RUNX1T1: variants seen among roughly 807,000 people sequenced by gnomAD.
RUNX1T1 encodes the protein protein CBFA2T1.
A neutral mutation model predicts 62.8 loss-of-function variants in RUNX1T1; 4 were observed. The ratio of observed to expected loss-of-function variants is 0.06; its 90% CI spans 0.03 to 0.15. RUNX1T1 has a LOEUF of 0.15. RUNX1T1 is among the 10% of genes least tolerant of loss of function. The pLI is 1.00. For missense variants in RUNX1T1, 508 were observed against 754.3 expected (o/e 0.67, Z 3.82); for synonymous variants, 291 against 286.0 (o/e 1.02, Z -0.18).
chr8:92,040,368 C>T (rs1828216272), intron 1 of RUNX1T1, among the ~76,000 whole-genome samples: 1 of 152,082 alleles, frequency 6.6e-6, no homozygotes, highest in African/African-American at 2.4e-5. Context: ...TATACACATA[C>T]ACACGGACAC....
At chr8:92,046,255 G>A (rs1429002461) in intron 1 of RUNX1T1, among the ~76,000 whole-genome samples, 11 of 152,000 alleles carry the variant, frequency 7.2e-5, no homozygotes, top group African/African-American at 2.4e-4. Flanking sequence ...ACAAGTCTTC[G>A]GTATGTGTGC....
intron 4 of RUNX1T1, 43 bp downstream of exon 5, chr8:92,010,959 A>T (rs777014228): frequency 1.8e-6 from 2 of 1,131,628 alleles, no homozygotes; most frequent in Non-Finnish European, 2.7e-6. Flanking sequence ...CCTAGCAACA[A>T]TATGGTTTAA....
intron 6 of RUNX1T1, among the ~76,000 whole-genome samples, chr8:91,987,678 A>T (rs1297504353): frequency 6.6e-6 from 1 of 152,200 alleles, no homozygotes; most frequent in African/African-American, 2.4e-5. Context: ...AAAGTAATAC[A>T]TAAGTGTTTA....
intron 10 of RUNX1T1, among the ~76,000 whole-genome samples, chr8:91,965,364 C>A (rs1215427982): frequency 6.6e-6 from 1 of 152,188 alleles, no homozygotes; most frequent in Admixed American, 6.5e-5. Context: ...TACTAAAATT[C>A]TCTTTCTTAT....
intron 4 of RUNX1T1, chr8:92,009,718 A>G (rs1194824833): frequency 6.6e-6 from 1 of 151,978 alleles, no homozygotes; most frequent in African/African-American, 2.4e-5. Context: ...TTCTAGTCTC[A>G]ACAAACTTGT....
intron 10 of RUNX1T1, among the ~76,000 whole-genome samples, chr8:91,967,203 C>A (rs117566667): frequency 1.3e-5 from 2 of 152,132 alleles, no homozygotes; most frequent in Admixed American, 6.6e-5. Context: ...CATCGTAGGT[C>A]GTCTTATTTC....
At chr8:91,969,107 C>G (rs1325657912) in intron 10 of RUNX1T1, among the ~76,000 whole-genome samples, 1 of 151,970 alleles carries the variant, frequency 6.6e-6, no homozygotes, top group African/African-American at 2.4e-5. Context: ...TACAGAAGAT[C>G]ATTCTTACAT....
At chr8:92,030,004 T>C (rs562912122) in intron 1 of RUNX1T1, among the ~76,000 whole-genome samples, 37 of 152,270 alleles carry the variant, frequency 2.4e-4, no homozygotes, top group Middle Eastern at 3.4e-3. Context: ...TAACTCTTAG[T>C]ATAAAATCCA....
chr8:92,077,553 C>A (rs1167556480), intron 1 of RUNX1T1, among the ~76,000 whole-genome samples: 1 of 151,972 alleles, frequency 6.6e-6, no homozygotes, highest in East Asian at 1.9e-4. Flanking sequence ...TCTGTTATTT[C>A]CAATGTTTCT....
rs534297012 is a variant in RUNX1T1 at position 91,964,523 on chromosome 8, C to A, written c.1459-4006G>T. ...ATTGCATCATCATCTACTTGCATTG[C>A]ACTTGACAATTTAAAATCATTTTCA... On this transcript the variant is annotated intron_variant, in intron 10 of 10. Coordinates refer to ENST00000396218, the Ensembl canonical transcript of RUNX1T1. Among the ~76,000 whole-genome samples, 4 of 152,268 alleles carry A rather than the reference C, an allele frequency of 2.6e-5. No individual in the cohort carries two copies. In the East Asian group the frequency reaches 7.7e-4, roughly 29 times the overall value.
intron 1 of RUNX1T1, among the ~76,000 whole-genome samples, chr8:92,047,956 G>A (rs906100138): frequency 2.0e-5 from 3 of 152,146 alleles, no homozygotes; most frequent in Admixed American, 2.0e-4. Context: ...TGAGCTTTGA[G>A]CAGCTGAGTA....
intron 4 of RUNX1T1, among the ~76,000 whole-genome samples, chr8:92,008,388 T>TCTCACACACACACACACA (rs1554617950): frequency 9.1e-5 from 12 of 131,964 alleles, no homozygotes; most frequent in African/African-American, 2.6e-4. Flanking sequence ...TCTCTCTCTC[T>TCTCACACACACACACACA]CACACACACA....
At chr8:91,994,481 A>G in intron 5 of RUNX1T1, 1 of 387,422 alleles carries the variant, frequency 2.6e-6, no homozygotes. Context: ...CTAACACAGC[A>G]CCTACCTTAC....
chr8:92,099,998 C>T (rs1837963287), upstream of RUNX1T1, among the ~76,000 whole-genome samples: 1 of 152,098 alleles, frequency 6.6e-6, no homozygotes, highest in African/African-American at 2.4e-5. Flanking sequence ...GAGAGCACAT[C>T]ATCAAATACT....
At chr8:92,029,882 T>C (rs1315950033) in intron 1 of RUNX1T1, among the ~76,000 whole-genome samples, 2 of 152,210 alleles carry the variant, frequency 1.3e-5, no homozygotes, top group Non-Finnish European at 2.9e-5. Flanking sequence ...TGTTAAACAC[T>C]ATGGACAGGT....
intron 10 of RUNX1T1, among the ~76,000 whole-genome samples, chr8:91,962,741 T>C (rs1810771183): frequency 6.6e-6 from 1 of 152,250 alleles, no homozygotes; most frequent in African/African-American, 2.4e-5. Context: ...ATAAGCTATA[T>C]TCCTAAATTA....
intron 1 of RUNX1T1, among the ~76,000 whole-genome samples, chr8:92,055,067 A>G (rs571505410): frequency 6.6e-6 from 1 of 152,308 alleles, no homozygotes; most frequent in Admixed American, 6.5e-5. Context: ...TCAGCTTGTG[A>G]TTAGTAAGTA....
chr8:92,066,763 T>C (rs995822591), upstream of RUNX1T1, among the ~76,000 whole-genome samples: 4 of 152,220 alleles, frequency 2.6e-5, no homozygotes, highest in African/African-American at 9.6e-5. Context: ...ACACAAATGG[T>C]TTATGTTTTA....
At chr8:91,957,628 CTAGAGA>C (rs1318197291), downstream of RUNX1T1, 2 of 228,684 alleles carry the variant, frequency 8.7e-6, no homozygotes, top group Non-Finnish European at 1.7e-5. Flanking sequence ...ATCACAGCTT[CTAGAGA>C]TAAAGACGTG....
Sources: gnomAD v4.1 joint callset for allele counts (sites outside exome capture counted in the v4.1 genomes callset) on GRCh38, gnomAD v4.1.1 for gene constraint, MANE v1.5 for transcripts, NCBI Gene and HGNC (gene_info 2026-07-23, HGNC 2026-07-21) for gene names.